The following CDKL3 variants were observed in gnomAD, a reference collection of about 807,000 sequenced individuals.
CDKL3 encodes the protein cyclin-dependent kinase-like 3.
Under a neutral mutation model 69.3 loss-of-function variants are expected in CDKL3, and 65 were observed. That is an observed-to-expected ratio of 0.94 (90% confidence interval 0.77 to 1.15). The LOEUF (loss-of-function observed/expected upper bound fraction) is 1.15, where lower values mean the gene tolerates loss of function less well. Ranked by LOEUF, CDKL3 falls within the 50% of genes most tolerant of loss-of-function variation. The pLI is 0.00. For synonymous variants in CDKL3, 202 were observed against 221.6 expected (o/e 0.91, Z 0.79); for missense variants, 652 against 689.2 (o/e 0.95, Z 0.61).
intron 2 of CDKL3, among the ~76,000 whole-genome samples, chr5:134,364,977 T>TC (rs1237013574): frequency 6.6e-6 from 1 of 150,580 alleles, no homozygotes; most frequent in Admixed American, 6.6e-5. Flanking sequence ...TGGCTAATTT[T>TC]TTTTTTTTTT....
upstream of CDKL3, chr5:134,371,524 G>T (rs1307400798): frequency 1.7e-5 from 26 of 1,563,468 alleles, no homozygotes; most frequent in Non-Finnish European, 2.2e-5. Flanking sequence ...TGATTCGGCC[G>T]CCGCGCCGGG....
chr5:134,357,215 G>A (rs1423432534), intron 3 of CDKL3, among the ~76,000 whole-genome samples: 3 of 152,132 alleles, frequency 2.0e-5, no homozygotes, highest in African/African-American at 7.2e-5. Context: ...GGAGGCTAAG[G>A]TGGGCGGATC....
chr5:134,313,418 C>T (rs1042310226), intron 6 of CDKL3, among the ~76,000 whole-genome samples: 10 of 152,092 alleles, frequency 6.6e-5, no homozygotes, highest in African/African-American at 2.2e-4. Flanking sequence ...TACCAGACAA[C>T]GCTCCAGCTT....
intron 4 of CDKL3, among the ~76,000 whole-genome samples, chr5:134,349,201 C>T (rs1032199547): frequency 6.6e-6 from 1 of 152,064 alleles, no homozygotes; most frequent in Non-Finnish European, 1.5e-5. Flanking sequence ...AAAGTAAGTA[C>T]CCATTAATAT....
At chr5:134,369,430 G>T (rs1219071987), upstream of CDKL3, among the ~76,000 whole-genome samples, 1 of 152,112 alleles carries the variant, frequency 6.6e-6, no homozygotes, top group African/African-American at 2.4e-5. Context: ...GGAAAGAGGG[G>T]GTAGGAGGAG....
chr5:134,294,421 G>A (rs977150867), downstream of CDKL3, among the ~76,000 whole-genome samples: 1 of 152,136 alleles, frequency 6.6e-6, no homozygotes, highest in African/African-American at 2.4e-5. Context: ...GAATAAAAAT[G>A]CTTTCCCTCT....
At chr5:134,335,352 T>G (rs1731695545) in intron 4 of CDKL3, among the ~76,000 whole-genome samples, 1 of 152,192 alleles carries the variant, frequency 6.6e-6, no homozygotes, top group African/African-American at 2.4e-5. Context: ...TGTGTGAATT[T>G]GATTCTGTCA....
At chr5:134,361,775 G>A (rs550019243) in intron 2 of CDKL3, among the ~76,000 whole-genome samples, 10 of 152,274 alleles carry the variant, frequency 6.6e-5, no homozygotes, top group African/African-American at 2.2e-4. Flanking sequence ...GTGGTGGTGG[G>A]CACCTGTAAT....
At chr5:134,321,961 T>C in intron 4 of CDKL3, 58 bp from the exon 5 acceptor site, 1 of 880,136 alleles carries the variant, frequency 1.1e-6, no homozygotes, top group South Asian at 1.6e-5. Context: ...ATAAATATAT[T>C]CTTAAAAATA....
intron 8 of CDKL3, among the ~76,000 whole-genome samples, chr5:134,290,600 G>C (rs939138827): frequency 6.6e-6 from 1 of 152,166 alleles, no homozygotes; most frequent in African/African-American, 2.4e-5. Flanking sequence ...ATACTGTGTA[G>C]GGCTGTGTAA....
chr5:134,302,580 A>G lies in CDKL3; in HGVS notation c.1719+10T>C. 4 of 1,441,332 alleles carry G rather than the reference A, an allele frequency of 2.8e-6. No individual in the cohort carries two copies. The highest frequency in any genetic ancestry group is 1.8e-5 in the Admixed American group (1 of 56,238). The allele number at this position is 1,441,332 out of a possible 1,614,324, so 89.3% of individuals were successfully genotyped here. A position where few individuals can be genotyped will look rare whatever the true frequency, so the allele number is the denominator to read the frequency against. The stretch of plus-strand genomic sequence containing the variant: ...ATGCCTTAGTAAAAGCTATATACAA[A>G]AAGAGTTACCTCTTGTTTTTCTTGA... On this transcript the variant is annotated intron_variant, in intron 12 of 12. Coordinates refer to ENST00000265334, the MANE Select transcript of CDKL3 (RefSeq NM_001113575.2).
At chr5:134,346,674 T>G (rs1387832185) in intron 4 of CDKL3, among the ~76,000 whole-genome samples, 1 of 152,096 alleles carries the variant, frequency 6.6e-6, no homozygotes, top group Admixed American at 6.5e-5. Flanking sequence ...TTTTGTATTT[T>G]TAGTAGAGAC....
At chr5:134,368,435 G>A (rs1455302245), upstream of CDKL3, among the ~76,000 whole-genome samples, 1 of 151,938 alleles carries the variant, frequency 6.6e-6, no homozygotes, top group South Asian at 2.1e-4. Context: ...TGGCTAACAC[G>A]GTGAAACCCC....
intron 4 of CDKL3, among the ~76,000 whole-genome samples, chr5:134,347,569 T>C (rs1752221255): frequency 1.3e-5 from 2 of 151,758 alleles, no homozygotes; most frequent in South Asian, 2.1e-4. Context: ...TATTCAGCCA[T>C]AAAAAGGAAT....
At chr5:134,326,713 T>C (rs1774288545) in intron 4 of CDKL3, among the ~76,000 whole-genome samples, 1 of 151,136 alleles carries the variant, frequency 6.6e-6, no homozygotes, top group Non-Finnish European at 1.5e-5. Context: ...CAGTCTCAGC[T>C]CACTGCAACC....
chr5:134,350,461 A>G (rs1465273903), intron 3 of CDKL3, 34 bp from the exon 4 acceptor site: 1 of 1,354,470 alleles, frequency 7.4e-7, no homozygotes, highest in Admixed American at 2.2e-5. Flanking sequence ...ATACATTAAA[A>G]TGAGATTTCA....
intron 4 of CDKL3, among the ~76,000 whole-genome samples, chr5:134,328,786 T>G (rs1052349703): frequency 1.3e-5 from 2 of 152,052 alleles, no homozygotes; most frequent in East Asian, 1.9e-4. Flanking sequence ...CAAGAGAACT[T>G]TGGTAAGATT....
chr5:134,356,563 C>G (rs1177803101), intron 3 of CDKL3, among the ~76,000 whole-genome samples: 1 of 152,060 alleles, frequency 6.6e-6, no homozygotes, highest in East Asian at 1.9e-4. Flanking sequence ...CAGTTGAGGT[C>G]AGCATTTCAA....
chr5:134,311,496 A>C (rs1384165015), intron 7 of CDKL3, among the ~76,000 whole-genome samples: 1 of 151,922 alleles, frequency 6.6e-6, no homozygotes, highest in Non-Finnish European at 1.5e-5. Flanking sequence ...ACAAAGCGAG[A>C]CTTCATCTCA....
Sources: gnomAD v4.1 joint callset for allele counts (sites outside exome capture counted in the v4.1 genomes callset) on GRCh38, gnomAD v4.1.1 for gene constraint, MANE v1.5 for transcripts, NCBI Gene and HGNC (gene_info 2026-07-23, HGNC 2026-07-21) for gene names.